The following FMN2 variants were observed in gnomAD, a reference collection of about 807,000 sequenced individuals.
FMN2 encodes the protein formin-2.
In FMN2, 51 loss-of-function variants were observed where a neutral mutation model predicts 142.3. That is an observed-to-expected ratio of 0.36 (90% CI 0.29 to 0.45). The LOEUF (loss-of-function observed/expected upper bound fraction) is 0.45. Ranked by LOEUF, FMN2 falls within the 20% of genes least tolerant of loss-of-function variation. FMN2 has a pLI of 1.00. For missense variants in FMN2, 1,936 were observed against 2,122.8 expected (o/e 0.91, Z 1.73); for synonymous variants, 882 against 869.8 (o/e 1.01, Z -0.25).
At chr1:240,219,929 G>A (rs529789273) in intron 6 of FMN2, among the ~76,000 whole-genome samples, 117 of 152,234 alleles carry the variant, frequency 7.7e-4, no homozygotes, top group African/African-American at 2.8e-3. Flanking sequence ...AAAGTGCTGG[G>A]ATTAGAAGCG....
intron 3 of FMN2, among the ~76,000 whole-genome samples, chr1:240,178,968 G>A (rs1346659793): frequency 6.6e-6 from 1 of 151,824 alleles, no homozygotes; most frequent in African/African-American, 2.4e-5. Flanking sequence ...AACTTATTTT[G>A]GATGCATAGT....
intron 7 of FMN2, among the ~76,000 whole-genome samples, chr1:240,289,595 G>T (rs1224742651): frequency 6.6e-6 from 1 of 152,038 alleles, no homozygotes; most frequent in Non-Finnish European, 1.5e-5. Flanking sequence ...TGAGAAGATT[G>T]CTTGAACCCA....
At chr1:240,314,384 A>G (rs1430538649) in intron 8 of FMN2, among the ~76,000 whole-genome samples, 1 of 152,182 alleles carries the variant, frequency 6.6e-6, no homozygotes, top group African/African-American at 2.4e-5. Context: ...CCAGATTCAC[A>G]TTTCCCTCAG....
intron 7 of FMN2, among the ~76,000 whole-genome samples, chr1:240,265,627 G>T (rs984056196): frequency 1.3e-5 from 2 of 152,152 alleles, no homozygotes; most frequent in South Asian, 4.1e-4. Context: ...ACCCCAGTTT[G>T]TCATATTTTG....
intron 7 of FMN2, among the ~76,000 whole-genome samples, chr1:240,284,750 C>T (rs568952628): frequency 2.0e-5 from 3 of 151,980 alleles, no homozygotes; most frequent in Non-Finnish European, 4.4e-5. Flanking sequence ...TTTTCTGGGT[C>T]CTTAAAAACG....
chr1:240,180,753 G>T (rs970440893), intron 3 of FMN2, among the ~76,000 whole-genome samples: 9 of 151,772 alleles, frequency 5.9e-5, no homozygotes, highest in Non-Finnish European at 7.4e-5. Flanking sequence ...TTTTAGTAGA[G>T]ACAGGGTTTC....
At chr1:240,142,625 C>T in intron 2 of FMN2, 5 of 1,551,518 alleles carry the variant, frequency 3.2e-6, no homozygotes, top group Non-Finnish European at 4.4e-6. Flanking sequence ...GATGCATGGC[C>T]CACTGATACA....
intron 13 of FMN2, among the ~76,000 whole-genome samples, chr1:240,346,304 T>C (rs763101188): frequency 2.0e-5 from 3 of 152,102 alleles, no homozygotes; most frequent in Non-Finnish European, 2.9e-5. Context: ...TATAACAATA[T>C]ACTGTAATAA....
chr1:240,246,067 C>T (rs1393481208), intron 6 of FMN2, among the ~76,000 whole-genome samples: 2 of 152,142 alleles, frequency 1.3e-5, no homozygotes, highest in African/African-American at 4.8e-5. Context: ...GTAGTCCCAG[C>T]TACTCGGGAG....
chr1:240,188,666 T>G (rs568365460), intron 4 of FMN2, among the ~76,000 whole-genome samples: 10 of 152,324 alleles, frequency 6.6e-5, no homozygotes, highest in African/African-American at 2.4e-4. Flanking sequence ...TTCTTATTAC[T>G]TTGGTGGATG....
intron 2 of FMN2, among the ~76,000 whole-genome samples, chr1:240,150,223 A>G (rs1193149512): frequency 6.6e-6 from 1 of 152,230 alleles, no homozygotes; most frequent in East Asian, 1.9e-4. Context: ...AGCTTACATC[A>G]AGATACAAAG....
chr1:240,175,403 A>G (rs1664875004), intron 2 of FMN2, among the ~76,000 whole-genome samples: 3 of 152,232 alleles, frequency 2.0e-5, no homozygotes, highest in Admixed American at 2.0e-4. Flanking sequence ...AGGAACTGCC[A>G]TATATTTTCC....
intron 6 of FMN2, among the ~76,000 whole-genome samples, chr1:240,238,912 C>G (rs760961753): frequency 3.9e-5 from 6 of 152,104 alleles, no homozygotes; most frequent in Non-Finnish European, 8.8e-5. Flanking sequence ...TTATGATGCT[C>G]AAGAACAGGC....
intron 6 of FMN2, among the ~76,000 whole-genome samples, chr1:240,223,018 T>C (rs1667175936): frequency 6.6e-6 from 1 of 152,240 alleles, no homozygotes; most frequent in African/African-American, 2.4e-5. Context: ...CTTTTAATAC[T>C]GTGTTGAATA....
At chr1:240,211,702 A>G (rs1271054061) in intron 6 of FMN2, among the ~76,000 whole-genome samples, 2 of 152,220 alleles carry the variant, frequency 1.3e-5, no homozygotes, top group African/African-American at 4.8e-5. Context: ...GTCACACTGT[A>G]CTTGAAATGT....
intron 6 of FMN2, among the ~76,000 whole-genome samples, chr1:240,223,612 C>A (rs966050289): frequency 3.9e-5 from 6 of 152,054 alleles, no homozygotes; most frequent in Non-Finnish European, 7.3e-5. Flanking sequence ...TCTGTCTAGT[C>A]CTGGGCTTTT....
intron 13 of FMN2, among the ~76,000 whole-genome samples, chr1:240,347,245 C>G (rs1172976471): frequency 6.6e-5 from 10 of 152,186 alleles, no homozygotes; most frequent in African/African-American, 2.4e-4. Context: ...ACCATCCGTA[C>G]GGCCAGGGGA....
chr1:240,092,559 C>T lies in FMN2; in HGVS notation c.450C>T (p.Ala150=). 1 of 1,612,882 alleles carries T rather than the reference C, an allele frequency of 6.2e-7. No homozygotes were observed. Among genetic ancestry groups the T allele is most frequent in the Non-Finnish European group, 8.5e-7 (1 of 1,179,682 alleles). ...EVTGPGGPGP[A]EARVGGRPIA... Reference sequence around the variant, plus strand: ...CCGGTCCAGGGGGTCCTGGGCCTGCCGAGGCTAGGGTCGGGGGCCGGCCGA... The same window carrying T: ...CCGGTCCAGGGGGTCCTGGGCCTGCTGAGGCTAGGGTCGGGGGCCGGCCGA... Residue 150 remains alanine, a synonymous_variant, in exon 1 of 18, where the codon GCC becomes GCT. Coordinates refer to ENST00000319653, the MANE Select transcript of FMN2 (RefSeq NM_020066.5).
intron 4 of FMN2, among the ~76,000 whole-genome samples, chr1:240,194,709 T>G (rs1008701063): frequency 2.0e-5 from 3 of 152,204 alleles, no homozygotes; most frequent in African/African-American, 7.2e-5. Context: ...AGGCAGTAAT[T>G]TAAAGAGCGG....
Sources: gnomAD v4.1 joint callset for allele counts (sites outside exome capture counted in the v4.1 genomes callset) on GRCh38, gnomAD v4.1.1 for gene constraint, MANE v1.5 for transcripts, NCBI Gene and HGNC (gene_info 2026-07-23, HGNC 2026-07-21) for gene names.